Variants in FNDC3A observed in about 807,000 individuals in gnomAD.
FNDC3A encodes the protein fibronectin type III domain containing 3A.
FNDC3A carries 32 observed loss-of-function variants against 148.9 expected under a neutral mutation model. The ratio of observed to expected loss-of-function variants is 0.21; its 90% CI spans 0.16 to 0.29. FNDC3A has a LOEUF of 0.29. Ranked by LOEUF, FNDC3A falls within the 10% of genes least tolerant of loss-of-function variation. The probability of loss-of-function intolerance (pLI) is 1.00; values close to 1 mark genes in which losing one functional copy is unlikely to be tolerated. For missense variants in FNDC3A, 1,191 were observed against 1,452.8 expected (o/e 0.82, Z 2.93); for synonymous variants, 472 against 473.6 (o/e 1.00, Z 0.04).
intron 2 of FNDC3A, among the ~76,000 whole-genome samples, chr13:49,025,011 A>G (rs1400834674): frequency 6.6e-6 from 1 of 151,960 alleles, no homozygotes; most frequent in Non-Finnish European, 1.5e-5. Context: ...ATTATCTCCT[A>G]AATAGCTTTT....
chr13:49,195,269 T>G (rs1422737913), intron 19 of FNDC3A, among the ~76,000 whole-genome samples: 1 of 152,206 alleles, frequency 6.6e-6, no homozygotes, highest in African/African-American at 2.4e-5. Flanking sequence ...CTGTTTGCCA[T>G]ATATAGTAGC....
rs1886705117 is a variant in FNDC3A, at chr13:49,207,464, CT to C, written c.*73del. 4.7e-6 allele frequency: 5 copies of C among 1,055,598 alleles called. No homozygotes were observed. In the East Asian group the frequency reaches 1.3e-4, roughly 27 times the overall value. The allele number at this position is 1,055,598 out of a possible 1,614,324, so 65.4% of individuals were successfully genotyped here. A position where few individuals can be genotyped will look rare whatever the true frequency, so the allele number is the denominator to read the frequency against. On this transcript the variant is annotated 3_prime_UTR_variant, in exon 26 of 26. Transcript: ENST00000492622. The stretch of plus-strand genomic sequence containing the variant: ...ATGTACTAAAATTATTTCTGTATTG[CT>C]TTTATAAAAAACAGTGGCATTTAGC...
chr13:49,136,528 T>C lies in FNDC3A; in HGVS notation c.687T>C (p.Gly229=), dbSNP rs777816151. The change falls in exon 6 of 26, where the codon GGT becomes GGC. Residue 229 remains glycine, a synonymous_variant. Coordinates refer to ENST00000492622, the MANE Select transcript of FNDC3A (RefSeq NM_001079673.2). The part of the protein sequence containing the change: ...NGLIKGQIAG[G]INTGSAKIKS... ...TTATAAAAGGACAAATTGCTGGTGG[T>C]ATAAACACAGGATCAGCAAAAATCA... 1.2e-6 allele frequency: 2 copies of C among 1,614,114 alleles called. No individual in the cohort carries two copies. Among genetic ancestry groups the C allele is most frequent in the Admixed American group, 1.7e-5 (1 of 60,020 alleles).
chr13:49,092,250 GT>G lies in FNDC3A; in HGVS notation c.175+16887del, dbSNP rs377663953. Reference sequence around the variant, plus strand: ...CCCACTTAAACTGGCAGCCTTTCAGGTCACTCGATAAATGGGCTGAAGTAAC... The same window carrying G: ...CCCACTTAAACTGGCAGCCTTTCAGGCACTCGATAAATGGGCTGAAGTAAC... On this transcript the variant is annotated intron_variant, in intron 3 of 25. Coordinates refer to ENST00000492622, the MANE Select transcript of FNDC3A (RefSeq NM_001079673.2). 5.3e-3 allele frequency among the ~76,000 whole-genome samples: 807 copies of G among 152,300 alleles called. 7 individuals carry two copies. The highest frequency in any genetic ancestry group is 0.019 in the African/African-American group (770 of 41,566).
intron 3 of FNDC3A, among the ~76,000 whole-genome samples, chr13:49,102,747 C>G (rs1175695516): frequency 1.3e-5 from 2 of 152,170 alleles, no homozygotes; most frequent in African/African-American, 4.8e-5. Flanking sequence ...GAGGAGATTA[C>G]AGTTTATAGG....
chr13:49,163,180 C>T (rs1884261184), intron 8 of FNDC3A, among the ~76,000 whole-genome samples: 2 of 152,180 alleles, frequency 1.3e-5, no homozygotes, highest in African/African-American at 4.8e-5. Flanking sequence ...CAGACAGGAA[C>T]GTTGAAGTCT....
At chr13:48,999,914 A>G (rs1270930385) in intron 1 of FNDC3A, among the ~76,000 whole-genome samples, 1 of 152,230 alleles carries the variant, frequency 6.6e-6, no homozygotes, top group East Asian at 1.9e-4. Flanking sequence ...TAAACTTCCC[A>G]GCCTCCAGAA....
chr13:49,142,144 C>A (rs1882726272), intron 7 of FNDC3A, among the ~76,000 whole-genome samples: 1 of 152,288 alleles, frequency 6.6e-6, no homozygotes, highest in East Asian at 1.9e-4. Context: ...TATTTTCGAT[C>A]CTAATTACTA....
At chr13:49,089,763 G>T (rs1297386359) in intron 3 of FNDC3A, among the ~76,000 whole-genome samples, 1 of 152,260 alleles carries the variant, frequency 6.6e-6, no homozygotes, top group Non-Finnish European at 1.5e-5. Context: ...TGCCTTATGA[G>T]ACCCCGAACA....
chr13:49,117,104 A>G (rs1881018727), intron 4 of FNDC3A, among the ~76,000 whole-genome samples: 2 of 152,226 alleles, frequency 1.3e-5, no homozygotes, highest in African/African-American at 2.4e-5. Context: ...CTCAATGCCA[A>G]GTATATAGCC....
chr13:49,039,610 CAT>C (rs1310644150), intron 2 of FNDC3A, among the ~76,000 whole-genome samples: 1 of 152,150 alleles, frequency 6.6e-6, no homozygotes, highest in African/African-American at 2.4e-5. Context: ...AAATTTTAGT[CAT>C]ATTTTGCTGT....
At chr13:49,093,186 T>C (rs557138652) in intron 3 of FNDC3A, among the ~76,000 whole-genome samples, 1 of 152,308 alleles carries the variant, frequency 6.6e-6, no homozygotes, top group Admixed American at 6.5e-5. Flanking sequence ...GTATACTCTT[T>C]GTAGGCTACA....
At chr13:49,179,390 A>T in intron 14 of FNDC3A, among the ~76,000 whole-genome samples, 1 of 152,142 alleles carries the variant, frequency 6.6e-6, no homozygotes, top group Admixed American at 6.5e-5. Context: ...ATTTATAATA[A>T]CTGTAAAGTT....
At position 49,191,322 on chromosome 13, in the gene FNDC3A, G is replaced by A. The variant is rs1357409899; in HGVS notation, c.2164G>A (p.Val722Met). The change falls in exon 19 of 26, where the codon GTG becomes ATG. Residue 722 changes from valine (V) to methionine (M), a missense_variant. By Grantham distance (21) the Val-to-Met change is conservative (BLOSUM62 1). Coordinates refer to ENST00000492622, the MANE Select transcript of FNDC3A (RefSeq NM_001079673.2). ...VYQGSEVECT[V>M]SSLLPGKTYS... ...CCAAGGTTCTGAAGTAGAATGTACA[G>A]TGAGCAGCCTTCTTCCTGGAAAGAC... 3.1e-6 allele frequency: 5 copies of A among 1,612,954 alleles called. No individual in the cohort carries two copies. Among genetic ancestry groups the A allele is most frequent in the South Asian group, 1.1e-5 (1 of 90,778 alleles).
At chr13:49,011,957 T>G (rs1017166163) in intron 2 of FNDC3A, among the ~76,000 whole-genome samples, 40 of 152,308 alleles carry the variant, frequency 2.6e-4, no homozygotes, top group African/African-American at 9.4e-4. Flanking sequence ...ATAGGTCCAA[T>G]TTGACTGTTT....
chr13:49,023,229 T>C (rs987172123), intron 2 of FNDC3A, among the ~76,000 whole-genome samples: 5 of 152,076 alleles, frequency 3.3e-5, no homozygotes, highest in African/African-American at 9.6e-5. Flanking sequence ...ATAATAAAAT[T>C]GTATTCTTAT....
At chr13:49,204,373 C>T (rs1886553968) in intron 25 of FNDC3A, among the ~76,000 whole-genome samples, 1 of 151,980 alleles carries the variant, frequency 6.6e-6, no homozygotes, top group Admixed American at 6.6e-5. Flanking sequence ...GGGTTGTTTT[C>T]ATTGTGTCTT....
At chr13:49,047,622 C>G (rs193243199) in intron 2 of FNDC3A, among the ~76,000 whole-genome samples, 28 of 152,140 alleles carry the variant, frequency 1.8e-4, no homozygotes, top group African/African-American at 6.3e-4. Flanking sequence ...TGTCCTTAGC[C>G]CACTTTTTGA....
chr13:49,007,158 T>TA (rs1383697648), intron 2 of FNDC3A, among the ~76,000 whole-genome samples: 1 of 152,096 alleles, frequency 6.6e-6, no homozygotes, highest in Non-Finnish European at 1.5e-5. Flanking sequence ...TTGGAAAACT[T>TA]AAAAACAAGA....
Sources: allele counts gnomAD v4.1 joint callset (sites outside exome capture counted in the v4.1 genomes callset), GRCh38; gene constraint gnomAD v4.1.1; transcripts MANE v1.5; gene names NCBI Gene and HGNC (gene_info 2026-07-23, HGNC 2026-07-21).